CACNA2D1: variants seen among roughly 807,000 people sequenced by gnomAD.
CACNA2D1 encodes the protein calcium voltage-gated channel auxiliary subunit alpha2delta 1, also known as voltage-dependent calcium channel subunit alpha-2/delta-1.
A neutral mutation model predicts 171.5 loss-of-function variants in CACNA2D1; 53 were observed. That is an observed-to-expected ratio of 0.31 (90% CI 0.25 to 0.39). CACNA2D1 has a LOEUF of 0.39. Ranked by LOEUF, CACNA2D1 falls within the 10% of genes least tolerant of loss-of-function variation. The probability of loss-of-function intolerance (pLI) is 1.00; values close to 1 mark genes in which losing one functional copy is unlikely to be tolerated. For synonymous variants in CACNA2D1, 442 were observed against 443.1 expected (o/e 1.00, Z 0.03); for missense variants, 903 against 1,299.8 (o/e 0.69, Z 4.69).
chr7:82,245,532 T>C (rs1452699037), intron 3 of CACNA2D1, among the ~76,000 whole-genome samples: 1 of 152,052 alleles, frequency 6.6e-6, no homozygotes, highest in African/African-American at 2.4e-5. Flanking sequence ...TTGGTGAGAT[T>C]ATCTGTTTTA....
At chr7:82,193,455 G>A (rs1798542942) in intron 3 of CACNA2D1, among the ~76,000 whole-genome samples, 2 of 151,852 alleles carry the variant, frequency 1.3e-5, no homozygotes, top group African/African-American at 4.8e-5. Flanking sequence ...TGAGATGCGT[G>A]GGTTTGTGGA....
chr7:82,131,623 G>C (rs1790988844), intron 5 of CACNA2D1, among the ~76,000 whole-genome samples: 1 of 152,148 alleles, frequency 6.6e-6, no homozygotes, highest in Non-Finnish European at 1.5e-5. Flanking sequence ...CCAGCAGTTA[G>C]TATGCCAATT....
In CACNA2D1 at chr7:82,138,426, G is replaced by GTTTTTTTTTTTTTTT. The variant is rs1159205363; in HGVS notation, c.355-1751_355-1750insAAAAAAAAAAAAAAA. Among the ~76,000 whole-genome samples the GTTTTTTTTTTTTTTT allele has an allele frequency of 4.9e-5, 5 of 101,314 alleles. 1 individual carries two copies. The highest frequency in any genetic ancestry group is 1.0e-4 in the Non-Finnish European group (5 of 49,788). The allele number at this position is 101,314 out of a possible 152,430, so 66.5% of individuals were successfully genotyped here. A position where few individuals can be genotyped will look rare whatever the true frequency, so the allele number is the denominator to read the frequency against. On this transcript the variant is annotated intron_variant, in intron 4 of 38. Coordinates refer to ENST00000356860, the MANE Select transcript of CACNA2D1 (RefSeq NM_000722.4). ...TCCTGAAACATTTCTTATAGCATTAGTTTTGTTTTTTTTGTTTTTTTTGTT... is the reference window on the plus strand; with the variant it reads ...TCCTGAAACATTTCTTATAGCATTAGTTTTTTTTTTTTTTTTTTTGTTTTTTTTGTTTTTTTTGTT...
At chr7:82,013,111 A>G (rs891787900) in intron 14 of CACNA2D1, among the ~76,000 whole-genome samples, 8 of 152,062 alleles carry the variant, frequency 5.3e-5, no homozygotes, top group African/African-American at 1.9e-4. Flanking sequence ...TTTTATACAC[A>G]GTACCTACAA....
intron 1 of CACNA2D1, among the ~76,000 whole-genome samples, chr7:82,383,360 C>T (rs973906867): frequency 7.2e-5 from 11 of 152,120 alleles, no homozygotes; most frequent in African/African-American, 2.4e-4. Flanking sequence ...AAACTGCTTG[C>T]CATTCAATTA....
At chr7:81,953,557 T>TA (rs35236970) in intron 38 of CACNA2D1, among the ~76,000 whole-genome samples, 58,802 of 149,344 alleles carry the variant, frequency 0.39, 11,567 homozygotes, top group East Asian at 0.51. Context: ...AATATCAGAT[T>TA]AAAAAAAAAA....
chr7:82,232,861 CAAAAAAAAAAA>C (rs71093370), intron 3 of CACNA2D1, among the ~76,000 whole-genome samples: 23 of 52,414 alleles, frequency 4.4e-4, no homozygotes, highest in African/African-American at 1.4e-3. Context: ...GAGATGTCTC[CAAAAAAAAAAA>C]AAAAAAAAAA....
chr7:82,012,419 C>CCTATG (rs1255082401), intron 14 of CACNA2D1, among the ~76,000 whole-genome samples, 176 bp from the exon 15 acceptor site: 1 of 151,988 alleles, frequency 6.6e-6, no homozygotes, highest in Non-Finnish European at 1.5e-5. Flanking sequence ...GGTATGGCTA[C>CCTATG]GTTATTTTGA....
At chr7:82,333,945 A>C (rs1462100802) in intron 3 of CACNA2D1, among the ~76,000 whole-genome samples, 1 of 152,196 alleles carries the variant, frequency 6.6e-6, no homozygotes, top group Non-Finnish European at 1.5e-5. Context: ...AATACTAATA[A>C]TTAAAAGAAA....
chr7:82,132,021 A>G (rs1791046132), intron 5 of CACNA2D1, among the ~76,000 whole-genome samples: 1 of 152,136 alleles, frequency 6.6e-6, no homozygotes, highest in African/African-American at 2.4e-5. Flanking sequence ...AAATACTGAA[A>G]CTTGTTAACT....
In CACNA2D1 at chr7:82,122,191, A is replaced by T. The variant is rs186380816; in HGVS notation, c.397-5018T>A. Among the ~76,000 whole-genome samples, 487 of 152,322 alleles carry T rather than the reference A, an allele frequency of 3.2e-3. 1 individual carries two copies. Among genetic ancestry groups the T allele is most frequent in the South Asian group, 5.2e-3 (25 of 4,830 alleles). On this transcript the variant is annotated intron_variant, in intron 5 of 38. Coordinates refer to ENST00000356860, the MANE Select transcript of CACNA2D1 (RefSeq NM_000722.4). ...AAAACACTGTAGGGAATATTAAAAC[A>T]AAGAATATATAAATTTTCCAAATGA...
intron 1 of CACNA2D1, among the ~76,000 whole-genome samples, chr7:82,372,722 A>G (rs1034443633): frequency 6.6e-5 from 10 of 152,092 alleles, no homozygotes; most frequent in Non-Finnish European, 1.2e-4. Flanking sequence ...AAAATCTTCA[A>G]TTTTCAAAAT....
chr7:82,426,557 G>A (rs1357855609), intron 1 of CACNA2D1, among the ~76,000 whole-genome samples: 2 of 152,006 alleles, frequency 1.3e-5, no homozygotes, highest in Non-Finnish European at 2.9e-5. Context: ...TATGTGTGTT[G>A]CTCATCTTAG....
intron 7 of CACNA2D1, among the ~76,000 whole-genome samples, chr7:82,072,310 T>C (rs1808417935): frequency 6.6e-6 from 1 of 152,132 alleles, no homozygotes; most frequent in Non-Finnish European, 1.5e-5. Flanking sequence ...AGACATTATA[T>C]GCTTGTATCA....
intron 1 of CACNA2D1, among the ~76,000 whole-genome samples, chr7:82,367,500 C>T (rs574893049): frequency 1.3e-5 from 2 of 152,232 alleles, no homozygotes; most frequent in South Asian, 2.1e-4. Flanking sequence ...CTGTCCTTCA[C>T]ATCAGGTTCC....
intron 12 of CACNA2D1, among the ~76,000 whole-genome samples, chr7:82,031,892 T>C (rs1424124151): frequency 6.6e-6 from 1 of 152,024 alleles, no homozygotes; most frequent in Non-Finnish European, 1.5e-5. Flanking sequence ...ATGGGCATTT[T>C]ACCCTGCAGA....
chr7:82,374,784 GCCC>G (rs144170964), intron 1 of CACNA2D1, among the ~76,000 whole-genome samples: 2 of 149,074 alleles, frequency 1.3e-5, no homozygotes, highest in African/African-American at 2.5e-5. Flanking sequence ...AAACAAAAAT[GCCC>G]CCCAAAAAAA....
At chr7:82,378,995 C>A (rs114675858) in intron 1 of CACNA2D1, among the ~76,000 whole-genome samples, 1 of 148,998 alleles carries the variant, frequency 6.7e-6, no homozygotes, top group Non-Finnish European at 1.5e-5. Flanking sequence ...GTGTTATACT[C>A]GGGAGCTGCA....
intron 6 of CACNA2D1, among the ~76,000 whole-genome samples, chr7:82,089,739 A>C (rs1810905916): frequency 2.0e-5 from 3 of 152,224 alleles, no homozygotes; most frequent in Non-Finnish European, 4.4e-5. Context: ...TCTTCTATCT[A>C]TATCTTGTTT....
Sources: gnomAD v4.1 joint callset for allele counts (sites outside exome capture counted in the v4.1 genomes callset) on GRCh38, gnomAD v4.1.1 for gene constraint, MANE v1.5 for transcripts, NCBI Gene and HGNC (gene_info 2026-07-23, HGNC 2026-07-21) for gene names.